FAM107B: variants seen among roughly 807,000 people sequenced by gnomAD.
FAM107B encodes the protein family with sequence similarity 107 member B.
FAM107B carries 21 observed loss-of-function variants against 31.5 expected under a neutral mutation model. The ratio of observed to expected loss-of-function variants is 0.67; its 90% CI spans 0.47 to 0.96. FAM107B has a LOEUF of 0.96. Among genes scored for constraint, FAM107B ranks in the 40% least tolerant of loss-of-function variants. The pLI is 0.00. For synonymous variants in FAM107B, 157 were observed against 141.5 expected (o/e 1.11, Z -0.78); for missense variants, 452 against 377.1 (o/e 1.20, Z -1.64).
intron 2 of FAM107B, among the ~76,000 whole-genome samples, chr10:14,623,848 A>T (rs1269670862): frequency 6.6e-6 from 1 of 152,128 alleles, no homozygotes; most frequent in Non-Finnish European, 1.5e-5. Context: ...AATCGCTCAC[A>T]CTTGGGCTAT....
At chr10:14,593,212 G>C (rs916107194) in intron 2 of FAM107B, among the ~76,000 whole-genome samples, 8 of 151,688 alleles carry the variant, frequency 5.3e-5, no homozygotes, top group African/African-American at 1.9e-4. Context: ...TTTTTTGTTT[G>C]CTACTTTGAA....
intron 2 of FAM107B, among the ~76,000 whole-genome samples, chr10:14,583,086 C>CA (rs60205603): frequency 0.016 from 908 of 55,648 alleles, 3 homozygotes; most frequent in East Asian, 0.05. Flanking sequence ...GACTCTGTCT[C>CA]AAAAAAAAAA....
chr10:14,669,817 T>C (rs1325774084), intron 1 of FAM107B, among the ~76,000 whole-genome samples: 1 of 152,200 alleles, frequency 6.6e-6, no homozygotes, highest in Admixed American at 6.5e-5. Flanking sequence ...GGTTAATGGT[T>C]ACAAACATAC....
At chr10:14,560,353 T>A (rs1209857537) in intron 2 of FAM107B, among the ~76,000 whole-genome samples, 1 of 152,194 alleles carries the variant, frequency 6.6e-6, no homozygotes, top group Non-Finnish European at 1.5e-5. Context: ...ACATAACATA[T>A]GAGTGTCACA....
intron 1 of FAM107B, among the ~76,000 whole-genome samples, chr10:14,763,463 T>C (rs374424420): frequency 1.2e-4 from 18 of 152,272 alleles, no homozygotes; most frequent in Non-Finnish European, 1.8e-4. Context: ...GTGCCTCTAA[T>C]TGTTAGAGGC....
intron 1 of FAM107B, among the ~76,000 whole-genome samples, chr10:14,766,464 A>T (rs1331394487): frequency 1.3e-5 from 2 of 152,140 alleles, no homozygotes; most frequent in Non-Finnish European, 2.9e-5. Context: ...AGCCTCACGG[A>T]GTTCCAGTTT....
chr10:14,759,912 A>G (rs1376901735), intron 1 of FAM107B, among the ~76,000 whole-genome samples: 1 of 152,058 alleles, frequency 6.6e-6, no homozygotes, highest in Non-Finnish European at 1.5e-5. Context: ...GGGTTCCACC[A>G]TGTTGGCCGG....
At chr10:14,564,214 T>C (rs1041289419) in intron 2 of FAM107B, among the ~76,000 whole-genome samples, 5 of 151,914 alleles carry the variant, frequency 3.3e-5, no homozygotes, top group African/African-American at 1.2e-4. Context: ...GAATGAAGAG[T>C]TTAACAGATT....
At chr10:14,618,761 C>A (rs1307937794) in intron 2 of FAM107B, among the ~76,000 whole-genome samples, 1 of 151,962 alleles carries the variant, frequency 6.6e-6, no homozygotes, top group Non-Finnish European at 1.5e-5. Flanking sequence ...CGCTTGAACC[C>A]GGGAGACAGA....
chr10:14,730,771 G>C (rs1415105848), intron 1 of FAM107B, among the ~76,000 whole-genome samples: 2 of 152,174 alleles, frequency 1.3e-5, no homozygotes, highest in African/African-American at 4.8e-5. Flanking sequence ...TCCCCAGTTT[G>C]CCCAGGAATG....
chr10:14,664,434 T>C (rs554578735), intron 2 of FAM107B, among the ~76,000 whole-genome samples: 1 of 152,342 alleles, frequency 6.6e-6, no homozygotes, highest in South Asian at 2.1e-4. Context: ...AAACCACATA[T>C]ACAACAGTGG....
In FAM107B at chr10:14,544,464, A is replaced by T. The variant is rs1321089810; in HGVS notation, c.470-13949T>A. ...ACGGATATTCTTCTTGCCTACTCCC[A>T]CCAAAGCCCAAATACACGTGAAAAA... On this transcript the variant is annotated intron_variant, in intron 2 of 4. Transcript: ENST00000181796. Among the ~76,000 whole-genome samples the T allele has an allele frequency of 2.0e-5, 3 of 152,144 alleles. No individual in the cohort carries two copies. In the South Asian group the frequency reaches 6.2e-4, roughly 31 times the overall value.
chr10:14,587,728 G>A (rs997907389), intron 2 of FAM107B, among the ~76,000 whole-genome samples: 1 of 152,220 alleles, frequency 6.6e-6, no homozygotes, highest in African/African-American at 2.4e-5. Flanking sequence ...ATGTGGGGTA[G>A]GTAGGGTGAG....
At chr10:14,541,716 G>C (rs1365340324) in intron 2 of FAM107B, among the ~76,000 whole-genome samples, 1 of 152,190 alleles carries the variant, frequency 6.6e-6, no homozygotes, top group East Asian at 1.9e-4. Flanking sequence ...CTCTGCAGAA[G>C]GGAAAAGACC....
intron 2 of FAM107B, among the ~76,000 whole-genome samples, chr10:14,588,614 C>T (rs533251513): frequency 2.0e-5 from 3 of 152,216 alleles, no homozygotes; most frequent in Admixed American, 6.5e-5. Context: ...GTCAACCAAC[C>T]GTCCTGAGAA....
In FAM107B at chr10:14,580,569, T is replaced by C. The variant is rs139734134; in HGVS notation, c.470-50054A>G. Among the ~76,000 whole-genome samples, 1,274 of 152,230 alleles carry C rather than the reference T, an allele frequency of 8.4e-3. 10 individuals carry two copies. The highest frequency in any genetic ancestry group is 0.015 in the Non-Finnish European group (995 of 68,016). ...AAGGAAAAGAAAAAATATCATGGTA[T>C]GATTGTCTAAAAGAAGTTTTCCACA... is the stretch of plus-strand genomic sequence containing the variant. On this transcript the variant is annotated intron_variant, in intron 2 of 4. Transcript: ENST00000181796.
intron 1 of FAM107B, among the ~76,000 whole-genome samples, chr10:14,700,520 G>A (rs1324407305): frequency 1.3e-5 from 2 of 151,954 alleles, no homozygotes; most frequent in Non-Finnish European, 2.9e-5. Context: ...CAGAAGAGAT[G>A]CAATAAAAAG....
At chr10:14,583,634 G>A (rs555811030) in intron 2 of FAM107B, among the ~76,000 whole-genome samples, 2 of 152,268 alleles carry the variant, frequency 1.3e-5, no homozygotes, top group East Asian at 1.9e-4. Context: ...GGTAAGGTGG[G>A]TGGGGACGGA....
intron 2 of FAM107B, 131 bp downstream of exon 2, chr10:14,667,503 A>G (rs1272113259): frequency 1.5e-5 from 13 of 878,468 alleles, no homozygotes; most frequent in Non-Finnish European, 1.9e-5. Flanking sequence ...CACACGTGAC[A>G]TTTCTAGTCA....
Sources: allele counts gnomAD v4.1 joint callset (sites outside exome capture counted in the v4.1 genomes callset), GRCh38; gene constraint gnomAD v4.1.1; transcripts MANE v1.5; gene names NCBI Gene and HGNC (gene_info 2026-07-23, HGNC 2026-07-21).